Variants in HDAC4 observed in about 807,000 individuals in gnomAD.
The protein encoded by HDAC4 is histone deacetylase A.
Under a neutral mutation model 135.1 loss-of-function variants are expected in HDAC4, and 16 were observed. The ratio of observed to expected loss-of-function variants is 0.12; its 90% CI spans 0.08 to 0.18. HDAC4 has a LOEUF of 0.18. Among genes scored for constraint, HDAC4 ranks in the 10% least tolerant of loss-of-function variants. The probability of loss-of-function intolerance (pLI) is 1.00; values close to 1 mark genes in which losing one functional copy is unlikely to be tolerated. For missense variants in HDAC4, 1,143 were observed against 1,511.8 expected (o/e 0.76, Z 4.05); for synonymous variants, 685 against 653.4 (o/e 1.05, Z -0.74).
intron 23 of HDAC4, among the ~76,000 whole-genome samples, chr2:239,067,542 G>A (rs1458478608): frequency 6.6e-6 from 1 of 152,246 alleles, no homozygotes; most frequent in Non-Finnish European, 1.5e-5. Flanking sequence ...GCAGCTGTGC[G>A]GACTGAGGAG....
intron 2 of HDAC4, among the ~76,000 whole-genome samples, chr2:239,247,793 C>T (rs554805370): frequency 1.8e-4 from 28 of 152,260 alleles, no homozygotes; most frequent in African/African-American, 5.5e-4. Flanking sequence ...ACATTAACTG[C>T]GCGGCTGGGA....
chr2:239,132,835 G>A (rs967923294), intron 11 of HDAC4, among the ~76,000 whole-genome samples: 2 of 152,216 alleles, frequency 1.3e-5, no homozygotes, highest in African/African-American at 4.8e-5. Flanking sequence ...CTGAAGATCA[G>A]GCACATTTTA....
intron 13 of HDAC4, among the ~76,000 whole-genome samples, chr2:239,114,762 T>C (rs2038978689): frequency 6.6e-6 from 1 of 152,208 alleles, no homozygotes; most frequent in Non-Finnish European, 1.5e-5. Context: ...TCTGTGTTCA[T>C]TTACAGCCTA....
At chr2:239,354,267 T>C (rs905954018) in intron 1 of HDAC4, among the ~76,000 whole-genome samples, 1 of 152,218 alleles carries the variant, frequency 6.6e-6, no homozygotes, top group Non-Finnish European at 1.5e-5. Flanking sequence ...CTATTCCATG[T>C]GTGGATAGAC....
In HDAC4 at chr2:239,167,609, G is replaced by T. The variant is rs1363115881; in HGVS notation, c.491-3686C>A. On this transcript the variant is annotated intron_variant, in intron 5 of 26. Transcript: ENST00000543185. The surrounding 1 kb of genome is among the most constrained non-coding windows in gnomAD (Gnocchi z 4.1). ...AGGGGCTGATTCTGACCCCCACCCC[G>T]TTTCTGCACTTCTGGTTATGCACAC... 1.3e-5 allele frequency among the ~76,000 whole-genome samples: 2 copies of T among 152,022 alleles called. No homozygotes were observed.
chr2:239,304,987 G>A (rs1175875750), intron 2 of HDAC4, among the ~76,000 whole-genome samples: 1 of 152,144 alleles, frequency 6.6e-6, no homozygotes, highest in Admixed American at 6.5e-5. Flanking sequence ...CACGTCAATA[G>A]GACAGTCCCG....
At chr2:239,389,176 T>C (rs192483017) in intron 1 of HDAC4, among the ~76,000 whole-genome samples, 1 of 152,196 alleles carries the variant, frequency 6.6e-6, no homozygotes, top group Admixed American at 6.5e-5. Flanking sequence ...CAGCACTCTG[T>C]AAAATGGACC....
chr2:239,179,964 T>C (rs1039456386), intron 4 of HDAC4, among the ~76,000 whole-genome samples: 2 of 152,204 alleles, frequency 1.3e-5, no homozygotes, highest in African/African-American at 2.4e-5. Flanking sequence ...GGATTGAGCA[T>C]GTGTGCTCCA....
intron 3 of HDAC4, among the ~76,000 whole-genome samples, chr2:239,225,259 G>A (rs2047174425): frequency 6.6e-6 from 1 of 152,180 alleles, no homozygotes; most frequent in African/African-American, 2.4e-5. Context: ...AGCCCCATTT[G>A]AACCCCAAGG....
rs1159887347 is a variant in HDAC4 at position 239,189,994 on chromosome 2, G to A, written c.178C>T (p.Pro60Ser). Residue 60 changes from proline to serine, a missense_variant, in exon 4 of 27, where the codon CCT becomes TCT. Pro to Ser is a moderately conservative substitution (Grantham distance 74). This residue lies in a region of HDAC4 where 247 missense variants were observed against 310.0 expected (regional missense o/e 0.80). Coordinates refer to ENST00000543185, the MANE Select transcript of HDAC4 (RefSeq NM_001378414.1). The stretch of plus-strand genomic sequence containing the variant: ...TCCCGCAGGGCCGGCTCTGCCACAG[G>A]CAGTGAGAACTGGTGGTCCAGGCGC... Reference protein sequence around the residue: ...DLRLDHQFSLPVAEPALREQQ... With the variant: ...DLRLDHQFSLSVAEPALREQQ... 1.9e-6 allele frequency: 3 copies of A among 1,606,602 alleles called. No individual in the cohort carries two copies. Among genetic ancestry groups the A allele is most frequent in the Non-Finnish European group, 8.5e-7 (1 of 1,179,898 alleles).
intron 24 of HDAC4, among the ~76,000 whole-genome samples, chr2:239,063,214 T>A (rs1384553969): frequency 6.6e-5 from 10 of 151,966 alleles, no homozygotes; most frequent in Middle Eastern, 3.2e-3. Context: ...TTTTGTTTTT[T>A]TTTTTAGGCG....
At chr2:239,305,896 C>T (rs1483671372) in intron 2 of HDAC4, among the ~76,000 whole-genome samples, 2 of 152,334 alleles carry the variant, frequency 1.3e-5, no homozygotes, top group East Asian at 3.9e-4. Flanking sequence ...CCCACACGGG[C>T]CCTGAATCTG....
At chr2:239,282,372 G>GTA in intron 2 of HDAC4, among the ~76,000 whole-genome samples, 1 of 144,544 alleles carries the variant, frequency 6.9e-6, no homozygotes, top group Non-Finnish European at 1.5e-5. Context: ...ACTCTACAAT[G>GTA]CACACACCAC....
In HDAC4 at chr2:239,308,984, A is replaced by G. The variant is rs1365942774; in HGVS notation, c.22+43694T>C. ...CATTCTAAACGGATTCTTGATAACA[A>G]GCCGCCGGCTCGCTGGAAGACACTG... On this transcript the variant is annotated intron_variant, in intron 2 of 26. Transcript: ENST00000543185. This position sits in a 1 kb window ranked among gnomAD's most constrained non-coding sequence, Gnocchi z 4.2. 1 of 152,214 alleles carries G rather than the reference A, an allele frequency of 6.6e-6. No individual in the cohort carries two copies. Among genetic ancestry groups the G allele is most frequent in the African/African-American group, 2.4e-5 (1 of 41,452 alleles). The allele number at this position is 152,214 out of a possible 1,614,324, so 9.4% of individuals were successfully genotyped here. A position where few individuals can be genotyped will look rare whatever the true frequency, so the allele number is the denominator to read the frequency against.
In HDAC4 at chr2:239,308,336, C is replaced by A. The variant is rs113071593; in HGVS notation, c.22+44342G>T. ...CTGGTGACACGGGACAAGAGGATAA[C>A]CTGCTTGGTACTCAGCAACAGGCTT... On this transcript the variant is annotated intron_variant, in intron 2 of 26. Coordinates refer to ENST00000543185, the MANE Select transcript of HDAC4 (RefSeq NM_001378414.1). The surrounding 1 kb of genome is among the most constrained non-coding windows in gnomAD (Gnocchi z 4.2). Among the ~76,000 whole-genome samples, 76 of 152,282 alleles carry A rather than the reference C, an allele frequency of 5.0e-4. No homozygotes were observed. The highest frequency in any genetic ancestry group is 1.7e-3 in the African/African-American group (72 of 41,546).
chr2:239,142,872 GCCGCATGGC>G (rs1575172297), intron 8 of HDAC4, among the ~76,000 whole-genome samples: 2 of 134,130 alleles, frequency 1.5e-5, no homozygotes, highest in Admixed American at 7.7e-5. Flanking sequence ...ATCACGCCCT[GCCGCATGGC>G]TCCTGGGTGA....
At chr2:239,265,991 G>C (rs575047087) in intron 2 of HDAC4, among the ~76,000 whole-genome samples, 1 of 152,280 alleles carries the variant, frequency 6.6e-6, no homozygotes, top group South Asian at 2.1e-4. Flanking sequence ...CGTATGGCAG[G>C]AGCGTGGCCT....
intron 16 of HDAC4, among the ~76,000 whole-genome samples, chr2:239,101,314 G>A (rs910454384): frequency 4.6e-5 from 7 of 152,182 alleles, no homozygotes; most frequent in Non-Finnish European, 7.3e-5. Flanking sequence ...CTGTGACCCC[G>A]TCTGTACCTA....
intron 2 of HDAC4, chr2:239,298,399 A>G: frequency 8.5e-7 from 1 of 1,179,008 alleles, no homozygotes; most frequent in Non-Finnish European, 1.1e-6. Flanking sequence ...CTTGCACCTC[A>G]GAGGGAAACA....
Sources: allele counts gnomAD v4.1 joint callset (sites outside exome capture counted in the v4.1 genomes callset), GRCh38; gene constraint gnomAD v4.1.1; regional missense constraint gnomAD v4.1.1; non-coding constraint Gnocchi (gnomAD v3.1); transcripts MANE v1.5; gene names NCBI Gene and HGNC (gene_info 2026-07-23, HGNC 2026-07-21).